The following AKAP6 variants were observed in gnomAD, a reference collection of about 807,000 sequenced individuals.
The protein encoded by AKAP6 is A-kinase anchoring protein 6, also known as A-kinase anchor protein 6.
In AKAP6, 58 loss-of-function variants were observed where a neutral mutation model predicts 188.5. The observed-to-expected ratio is 0.31, with a 90% confidence interval of 0.25 to 0.38. AKAP6 has a LOEUF of 0.38. Ranked by LOEUF, AKAP6 falls within the 10% of genes least tolerant of loss-of-function variation. AKAP6 has a pLI of 1.00. For missense variants in AKAP6, 2,710 were observed against 2,740.0 expected (o/e 0.99, Z 0.24); for synonymous variants, 989 against 998.6 (o/e 0.99, Z 0.18).
At chr14:32,339,272 A>G (rs1324864266) in intron 1 of AKAP6, among the ~76,000 whole-genome samples, 3 of 152,190 alleles carry the variant, frequency 2.0e-5, no homozygotes, top group Non-Finnish European at 4.4e-5. Flanking sequence ...ACATGATTGT[A>G]TTCAGTAATA....
rs148564464 is a variant in AKAP6 at position 32,695,269 on chromosome 14, G to C, written c.2880-721G>C. Among the ~76,000 whole-genome samples the C allele has an allele frequency of 6.2e-3, 949 of 152,120 alleles. 4 individuals carry two copies. The highest frequency in any genetic ancestry group is 9.3e-3 in the Non-Finnish European group (633 of 67,994). On this transcript the variant is annotated intron_variant, in intron 8 of 13. Coordinates refer to ENST00000280979, the MANE Select transcript of AKAP6 (RefSeq NM_004274.5). ...CTGTCTAATACTGGATCTGCCACTG[G>C]TTCTCACTGGCTTACCAGAGTCACT...
At chr14:32,492,383 G>GAGAGAGAGAGAGAGAGAGAGA (rs1566537012) in intron 2 of AKAP6, among the ~76,000 whole-genome samples, 5 of 141,474 alleles carry the variant, frequency 3.5e-5, no homozygotes, top group African/African-American at 1.3e-4. Flanking sequence ...GAGAGAGAGA[G>GAGAGAGAGAGAGAGAGAGAGA]GCATTTGGAT....
At chr14:32,798,478 C>T (rs941062466) in intron 12 of AKAP6, among the ~76,000 whole-genome samples, 1 of 152,210 alleles carries the variant, frequency 6.6e-6, no homozygotes, top group South Asian at 2.1e-4. Context: ...AACCTGAATG[C>T]CCATCAACAA....
At chr14:32,539,473 A>G (rs559015267) in intron 3 of AKAP6, among the ~76,000 whole-genome samples, 1 of 152,262 alleles carries the variant, frequency 6.6e-6, no homozygotes, top group South Asian at 2.1e-4. Context: ...GATTATATTC[A>G]TCTGTGTATC....
rs754387966 is a variant in AKAP6, at chr14:32,833,131, C to T, written c.*3326C>T. 3.3e-5 allele frequency: 5 copies of T among 152,178 alleles called. No individual in the cohort carries two copies. Among genetic ancestry groups the T allele is most frequent in the Non-Finnish European group, 7.3e-5 (5 of 68,042 alleles). 9.4% of individuals were successfully genotyped at this position (152,178 alleles called of 1,614,324 possible). ...ATCTTCTCCTTACATCGAATACAAA[C>T]CTAACCTGTTTCCAAGTAGGGCACT... On this transcript the variant is annotated 3_prime_UTR_variant, in exon 14 of 14. Transcript: ENST00000280979.
At chr14:32,356,595 A>G (rs1424830434) in intron 1 of AKAP6, among the ~76,000 whole-genome samples, 3 of 152,098 alleles carry the variant, frequency 2.0e-5, no homozygotes, top group South Asian at 2.1e-4. Flanking sequence ...GGAATCTTCA[A>G]TGACTCTCCT....
chr14:32,650,129 G>C (rs1395697330), intron 7 of AKAP6, among the ~76,000 whole-genome samples: 1 of 152,038 alleles, frequency 6.6e-6, no homozygotes, highest in Non-Finnish European at 1.5e-5. Context: ...ACTTGTTTTG[G>C]GTTCTAGTTC....
At chr14:32,462,914 A>AC (rs200871055) in intron 2 of AKAP6, among the ~76,000 whole-genome samples, 2,369 of 137,468 alleles carry the variant, frequency 0.017, 167 homozygotes, top group East Asian at 0.15. Context: ...AAAAAAAAAA[A>AC]AAAAAAAAAA....
intron 8 of AKAP6, among the ~76,000 whole-genome samples, chr14:32,687,854 A>G (rs1224182333): frequency 6.6e-6 from 1 of 152,140 alleles, no homozygotes; most frequent in African/African-American, 2.4e-5. Context: ...ACCACTATGT[A>G]AGTATTTAAA....
chr14:32,334,496 T>C (rs962657099), intron 1 of AKAP6, among the ~76,000 whole-genome samples: 7 of 152,218 alleles, frequency 4.6e-5, no homozygotes, highest in Non-Finnish European at 1.5e-5. Context: ...AGCTCAAGAT[T>C]AGTGATGCTG....
rs143376849 is a variant in AKAP6, at chr14:32,393,805, CTT to C, written c.-34-39651_-34-39650del. On this transcript the variant is annotated intron_variant, in intron 1 of 13. Transcript: ENST00000280979. Reference sequence around the variant, plus strand: ...CAATAATAATAGAGAAGAAAGTACTCTTTTTCTAAAGAGATACATACATTTGT... The same window carrying C: ...CAATAATAATAGAGAAGAAAGTACTCTTTCTAAAGAGATACATACATTTGT... Among the ~76,000 whole-genome samples the C allele has an allele frequency of 1.0e-3, 156 of 152,152 alleles. No individual in the cohort carries two copies. In the East Asian group the frequency reaches 0.021, roughly 20 times the overall value.
chr14:32,754,086 AT>A (rs1434126800), intron 11 of AKAP6, among the ~76,000 whole-genome samples: 1 of 151,966 alleles, frequency 6.6e-6, no homozygotes, highest in African/African-American at 2.4e-5. Context: ...TGATCTGTCC[AT>A]TATTGAAAGC....
chr14:32,358,823 A>C (rs1410119126), intron 1 of AKAP6, among the ~76,000 whole-genome samples: 2 of 152,188 alleles, frequency 1.3e-5, no homozygotes, highest in Admixed American at 1.3e-4. Context: ...ATCATCATAC[A>C]GGATGTATTT....
chr14:32,620,424 A>T (rs954581485), intron 7 of AKAP6, among the ~76,000 whole-genome samples: 3 of 152,026 alleles, frequency 2.0e-5, no homozygotes, highest in South Asian at 4.1e-4. Context: ...TGAGATGATC[A>T]TGTGGTTTTT....
At chr14:32,653,634 A>AAGTAT (rs10701525) in intron 7 of AKAP6, among the ~76,000 whole-genome samples, 47,988 of 151,772 alleles carry the variant, frequency 0.32, 7,885 homozygotes, top group South Asian at 0.4. Flanking sequence ...ACCCAGTCTT[A>AAGTAT]AGTATTTATA....
chr14:32,377,380 C>CAAGG (rs1177221801), intron 1 of AKAP6, among the ~76,000 whole-genome samples: 2 of 152,216 alleles, frequency 1.3e-5, no homozygotes, highest in Non-Finnish European at 2.9e-5. Context: ...ATAACACATT[C>CAAGG]AGCCATGTCC....
chr14:32,809,695 G>C (rs1480831181), intron 12 of AKAP6, among the ~76,000 whole-genome samples: 2 of 152,164 alleles, frequency 1.3e-5, no homozygotes, highest in Non-Finnish European at 2.9e-5. Context: ...TAATTTGGTG[G>C]GGTTGGGAGC....
At chr14:32,682,894 G>A (rs1377780062) in intron 8 of AKAP6, among the ~76,000 whole-genome samples, 2 of 152,070 alleles carry the variant, frequency 1.3e-5, no homozygotes, top group Admixed American at 6.6e-5. Flanking sequence ...TCATTTCTAG[G>A]TCTCACTTCA....
intron 5 of AKAP6, among the ~76,000 whole-genome samples, chr14:32,580,033 C>G (rs1036090534): frequency 6.6e-6 from 1 of 151,920 alleles, no homozygotes; most frequent in Admixed American, 6.6e-5. Flanking sequence ...CTGGCAACCT[C>G]CAATATTTAT....
Sources: allele counts gnomAD v4.1 joint callset (sites outside exome capture counted in the v4.1 genomes callset), GRCh38; gene constraint gnomAD v4.1.1; transcripts MANE v1.5; gene names NCBI Gene and HGNC (gene_info 2026-07-23, HGNC 2026-07-21).